LHPP: variants seen among roughly 807,000 people sequenced by gnomAD.
The protein encoded by LHPP is hLHPP.
LHPP carries 24 observed loss-of-function variants against 30.3 expected under a neutral mutation model. The ratio of observed to expected loss-of-function variants is 0.79; its 90% confidence interval spans 0.57 to 1.11. The LOEUF (loss-of-function observed/expected upper bound fraction) is 1.11. Ranked by LOEUF, LHPP falls within the 50% of genes most tolerant of loss-of-function variation. The pLI, the probability that LHPP is intolerant of heterozygous loss-of-function variation, is 0.00. For synonymous variants in LHPP, 150 were observed against 157.1 expected (o/e 0.95, Z 0.34); for missense variants, 356 against 367.2 (o/e 0.97, Z 0.25).
chr10:124,463,221 CTTT>C (rs35305882), intron 1 of LHPP, among the ~76,000 whole-genome samples: 5 of 151,520 alleles, frequency 3.3e-5, no homozygotes, highest in Non-Finnish European at 7.4e-5. Flanking sequence ...TTAAGTATAC[CTTT>C]TTTTTTTAAC....
intron 6 of LHPP, among the ~76,000 whole-genome samples, chr10:124,531,096 G>A (rs991771802): frequency 6.6e-5 from 10 of 152,258 alleles, no homozygotes; most frequent in African/African-American, 2.4e-4. Context: ...TGCTGTCTGC[G>A]CCCTTCACCT....
At chr10:124,522,308 C>T (rs1954629532) in intron 6 of LHPP, among the ~76,000 whole-genome samples, 1 of 152,184 alleles carries the variant, frequency 6.6e-6, no homozygotes. Flanking sequence ...GGACTCCTGG[C>T]GCATTGGACA....
intron 6 of LHPP, among the ~76,000 whole-genome samples, chr10:124,534,575 A>G (rs1954977807): frequency 2.0e-5 from 3 of 152,330 alleles, no homozygotes; most frequent in Middle Eastern, 3.4e-3. Flanking sequence ...TCACCCCTGC[A>G]TGCTTCCTTC....
intron 6 of LHPP, among the ~76,000 whole-genome samples, chr10:124,595,674 G>A (rs761988240): frequency 9.9e-5 from 15 of 152,194 alleles, no homozygotes; most frequent in Non-Finnish European, 1.9e-4. Context: ...GCCATCTGGT[G>A]TAGATATCTC....
chr10:124,584,892 C>A (rs1209624894), intron 6 of LHPP, among the ~76,000 whole-genome samples: 1 of 146,126 alleles, frequency 6.8e-6, no homozygotes, highest in Non-Finnish European at 1.5e-5. Flanking sequence ...AAAATTCCAC[C>A]CCTGTCCTCA....
chr10:124,484,940 C>T lies in LHPP; in HGVS notation c.313+614C>T, dbSNP rs149688332. Among the ~76,000 whole-genome samples, 29 of 152,256 alleles carry T rather than the reference C, an allele frequency of 1.9e-4. No homozygotes were observed. The East Asian group carries it at 4.4e-3, about 23-fold the overall frequency. ...AGCAGAAGGAACAATATTACTGGTGCCTCCTGAATATTTAAAAAGAAGAGA... is the reference window on the plus strand; with the variant it reads ...AGCAGAAGGAACAATATTACTGGTGTCTCCTGAATATTTAAAAAGAAGAGA... On this transcript the variant is annotated intron_variant, in intron 2 of 6. Transcript: ENST00000368842.
At chr10:124,540,043 G>A (rs185099238) in intron 6 of LHPP, among the ~76,000 whole-genome samples, 1 of 152,196 alleles carries the variant, frequency 6.6e-6, no homozygotes, top group Non-Finnish European at 1.5e-5. Flanking sequence ...TCATTTTCTT[G>A]GTGTTCTCAT....
At chr10:124,482,528 A>G (rs144002451) in intron 1 of LHPP, among the ~76,000 whole-genome samples, 12 of 152,144 alleles carry the variant, frequency 7.9e-5, no homozygotes, top group Non-Finnish European at 1.6e-4. Context: ...GCAGATGTCA[A>G]ATATGACCGC....
At chr10:124,489,255 C>T (rs1953438693) in intron 3 of LHPP, among the ~76,000 whole-genome samples, 1 of 152,180 alleles carries the variant, frequency 6.6e-6, no homozygotes, top group Non-Finnish European at 1.5e-5. Flanking sequence ...ACACCTGTCC[C>T]TATTTTGGTG....
At chr10:124,509,395 C>G (rs1954244429) in intron 5 of LHPP, among the ~76,000 whole-genome samples, 1 of 152,076 alleles carries the variant, frequency 6.6e-6, no homozygotes, top group Non-Finnish European at 1.5e-5. Flanking sequence ...TATGTACATC[C>G]TCTTGTACAT....
In LHPP at chr10:124,576,057, C is replaced by T. The variant is rs1589878336; in HGVS notation, c.717-37207C>T. ...TATGAGCCGAAAGAAATGGGGGTTC[C>T]CACTGGATTGGTCGTTTCTGCATTG... On this transcript the variant is annotated intron_variant, in intron 6 of 6. Coordinates refer to ENST00000368842, the MANE Select transcript of LHPP (RefSeq NM_022126.4). The surrounding 1 kb of genome is among the most constrained non-coding windows in gnomAD (Gnocchi z 4.2). 1.3e-5 allele frequency among the ~76,000 whole-genome samples: 2 copies of T among 152,120 alleles called. No individual in the cohort carries two copies. The highest frequency in any genetic ancestry group is 4.1e-4 in the South Asian group (2 of 4,824).
rs1172954687 is a variant in LHPP, at chr10:124,596,300, G to A, written c.717-16964G>A. On this transcript the variant is annotated intron_variant, in intron 6 of 6. Coordinates refer to ENST00000368842, the MANE Select transcript of LHPP (RefSeq NM_022126.4). This position sits in a 1 kb window ranked among gnomAD's most constrained non-coding sequence, Gnocchi z 4.6. ...GGTTGCTGGGTCCCGCGGCATTCAT[G>A]TGTTTAGTGTAGGAGACTCTTGCCA... 6.6e-6 allele frequency among the ~76,000 whole-genome samples: 1 copy of A among 152,144 alleles called. No individual in the cohort carries two copies. Among genetic ancestry groups the A allele is most frequent in the Non-Finnish European group, 1.5e-5 (1 of 68,022 alleles).
chr10:124,585,527 A>C (rs574446682), intron 6 of LHPP, among the ~76,000 whole-genome samples: 1 of 151,994 alleles, frequency 6.6e-6, no homozygotes, highest in South Asian at 2.1e-4. Flanking sequence ...AGGCAGGAGA[A>C]TTGCTTGAAC....
At chr10:124,534,365 T>G (rs1262448348) in intron 6 of LHPP, among the ~76,000 whole-genome samples, 5 of 152,218 alleles carry the variant, frequency 3.3e-5, no homozygotes, top group Admixed American at 2.0e-4. Flanking sequence ...CTCCTGTATC[T>G]GTGACTCTGC....
At chr10:124,595,295 G>A (rs1196098927) in intron 6 of LHPP, among the ~76,000 whole-genome samples, 3 of 152,354 alleles carry the variant, frequency 2.0e-5, no homozygotes, top group Non-Finnish European at 4.4e-5. Context: ...AGGCTGCCAG[G>A]GGGAGGAGGA....
chr10:124,463,394 C>T (rs1419513283), intron 1 of LHPP, among the ~76,000 whole-genome samples: 1 of 151,250 alleles, frequency 6.6e-6, no homozygotes, highest in Admixed American at 6.6e-5. Flanking sequence ...GACAGTTTTG[C>T]TCTTGTTGCC....
chr10:124,563,938 A>G (rs1270336260), intron 6 of LHPP, among the ~76,000 whole-genome samples: 1 of 151,818 alleles, frequency 6.6e-6, no homozygotes, highest in Non-Finnish European at 1.5e-5. Context: ...TTCATCATTT[A>G]CTTTTTATAT....
intron 6 of LHPP, among the ~76,000 whole-genome samples, chr10:124,571,749 G>A (rs145784488): frequency 2.0e-5 from 3 of 152,016 alleles, no homozygotes; most frequent in Admixed American, 6.6e-5. Flanking sequence ...CCAGCACCAC[G>A]CTGGTCCTCA....
intron 6 of LHPP, among the ~76,000 whole-genome samples, chr10:124,559,896 C>T (rs1011206059): frequency 3.3e-5 from 5 of 152,264 alleles, no homozygotes; most frequent in African/African-American, 9.6e-5. Context: ...TTTCAGCCAG[C>T]GCTGCCAAGT....
Sources: gnomAD v4.1 joint callset for allele counts (sites outside exome capture counted in the v4.1 genomes callset) on GRCh38, gnomAD v4.1.1 for gene constraint, Gnocchi (gnomAD v3.1) non-coding constraint, MANE v1.5 for transcripts, NCBI Gene and HGNC (gene_info 2026-07-23, HGNC 2026-07-21) for gene names.